Variants in SH3PXD2A observed in about 807,000 individuals in gnomAD.
The protein encoded by SH3PXD2A is SH3 and PX domains 2A, also known as SH3 and PX domain-containing protein 2A.
Under a neutral mutation model 115.2 loss-of-function variants are expected in SH3PXD2A, and 32 were observed. That is an observed-to-expected ratio of 0.28 (90% CI 0.21 to 0.37). SH3PXD2A has a LOEUF of 0.37. Ranked by LOEUF, SH3PXD2A falls within the 10% of genes least tolerant of loss-of-function variation. SH3PXD2A has a pLI of 1.00. For missense variants in SH3PXD2A, 1,328 were observed against 1,498.7 expected, an observed-to-expected ratio of 0.89 and a Z score of 1.88; for synonymous variants, 610 against 629.1, an observed-to-expected ratio of 0.97 and a Z score of 0.45.
At chr10:103,634,388 G>C (rs1370849206) in intron 8 of SH3PXD2A, among the ~76,000 whole-genome samples, 1 of 152,230 alleles carries the variant, frequency 6.6e-6, no homozygotes, top group Non-Finnish European at 1.5e-5. Context: ...GGCGGTCTGT[G>C]TTAGGCACTT....
intron 5 of SH3PXD2A, among the ~76,000 whole-genome samples, chr10:103,701,629 A>G (rs536146741): frequency 2.2e-5 from 3 of 138,148 alleles, no homozygotes; most frequent in Non-Finnish European, 4.7e-5. Context: ...CCATCCATCC[A>G]CCATCCATCC....
At chr10:103,723,797 A>G (rs2038209448) in intron 5 of SH3PXD2A, among the ~76,000 whole-genome samples, 1 of 152,196 alleles carries the variant, frequency 6.6e-6, no homozygotes, top group Admixed American at 6.5e-5. Context: ...ATTCATTATG[A>G]TTTTTTATGA....
intron 2 of SH3PXD2A, among the ~76,000 whole-genome samples, chr10:103,770,591 G>T (rs2038806854): frequency 6.6e-6 from 1 of 152,220 alleles, no homozygotes; most frequent in Non-Finnish European, 1.5e-5. Context: ...TACTTGGTTT[G>T]CTCTGGAGTC....
At chr10:103,772,770 C>T (rs2038840795) in intron 2 of SH3PXD2A, among the ~76,000 whole-genome samples, 1 of 152,178 alleles carries the variant, frequency 6.6e-6, no homozygotes, top group African/African-American at 2.4e-5. Flanking sequence ...AAGAGGCCGG[C>T]TCCTCGCCCC....
chr10:103,792,788 G>A (rs1023953184), intron 2 of SH3PXD2A, among the ~76,000 whole-genome samples: 5 of 152,188 alleles, frequency 3.3e-5, no homozygotes, highest in African/African-American at 9.7e-5. Flanking sequence ...GCCTCAATAT[G>A]TAGTTTGCAG....
At chr10:103,715,646 G>A (rs770937823) in intron 5 of SH3PXD2A, among the ~76,000 whole-genome samples, 47 of 152,256 alleles carry the variant, frequency 3.1e-4, no homozygotes, top group Non-Finnish European at 6.6e-4. Flanking sequence ...GGAAGGCCAC[G>A]CAGTCAACCC....
At chr10:103,733,225 C>A (rs1363491333) in intron 4 of SH3PXD2A, among the ~76,000 whole-genome samples, 1 of 152,174 alleles carries the variant, frequency 6.6e-6, no homozygotes, top group Non-Finnish European at 1.5e-5. Flanking sequence ...GCTCCCCCAG[C>A]TACGCGTGGT....
At chr10:103,769,745 A>G (rs997056810) in intron 2 of SH3PXD2A, among the ~76,000 whole-genome samples, 6 of 152,122 alleles carry the variant, frequency 3.9e-5, no homozygotes, top group African/African-American at 7.2e-5. Flanking sequence ...TGAGTTCTCA[A>G]TGTTTTAAGT....
At chr10:103,825,380 A>G (rs1589472583) in intron 1 of SH3PXD2A, among the ~76,000 whole-genome samples, 1 of 152,182 alleles carries the variant, frequency 6.6e-6, no homozygotes, top group South Asian at 2.1e-4. Context: ...CGTTGCAGGG[A>G]GGAGGGAAAG....
chr10:103,805,954 C>T lies in SH3PXD2A; in HGVS notation c.73-4592G>A, dbSNP rs139116540. Among the ~76,000 whole-genome samples, 132 of 152,372 alleles carry T rather than the reference C, an allele frequency of 8.7e-4. 1 individual carries two copies. The East Asian group carries it at 0.013, about 14-fold the overall frequency. On this transcript the variant is annotated intron_variant, in intron 1 of 14. Transcript: ENST00000369774. ...AAGATACACCCCGCTGGAGAGCCAG[C>T]CAGAGGGAAGAGCTGACAGAGAGCT...
At chr10:103,778,287 G>A (rs565867886) in intron 2 of SH3PXD2A, among the ~76,000 whole-genome samples, 6 of 152,312 alleles carry the variant, frequency 3.9e-5, no homozygotes, top group Admixed American at 1.3e-4. Context: ...AACCGAGATC[G>A]TGCCACTGCA....
At chr10:103,637,632 C>T (rs530281794) in intron 8 of SH3PXD2A, among the ~76,000 whole-genome samples, 2 of 152,304 alleles carry the variant, frequency 1.3e-5, no homozygotes, top group Admixed American at 6.5e-5. Flanking sequence ...GAGCTCAGAC[C>T]TTGACCCTTT....
intron 6 of SH3PXD2A, 104 bp downstream of exon 6, chr10:103,692,923 CA>C: frequency 2.1e-6 from 2 of 943,292 alleles, no homozygotes; most frequent in Admixed American, 2.0e-5. Context: ...CGTGCAAGGA[CA>C]ACCCCCCCCT....
chr10:103,839,227 C>A (rs941754670), intron 1 of SH3PXD2A, among the ~76,000 whole-genome samples: 5 of 152,142 alleles, frequency 3.3e-5, no homozygotes, highest in African/African-American at 1.2e-4. Flanking sequence ...CCACCAACAC[C>A]CCTACACCCT....
chr10:103,632,317 C>A (rs1222766370), intron 8 of SH3PXD2A, among the ~76,000 whole-genome samples: 2 of 152,230 alleles, frequency 1.3e-5, no homozygotes, highest in African/African-American at 4.8e-5. Context: ...CTAGCTGATG[C>A]CTGAGCCCTT....
At chr10:103,771,738 A>AACAC (rs3068820) in intron 2 of SH3PXD2A, among the ~76,000 whole-genome samples, 15,193 of 142,684 alleles carry the variant, frequency 0.11, 866 homozygotes, top group East Asian at 0.19. Flanking sequence ...CCGTCAAAAC[A>AACAC]ACACACACAC....
rs539620462 is a variant in SH3PXD2A at position 103,651,515 on chromosome 10, A to G, written c.604+9468T>C. 2.1e-4 allele frequency among the ~76,000 whole-genome samples: 32 copies of G among 152,322 alleles called. No individual in the cohort carries two copies. The Middle Eastern group carries it at 0.014, about 65-fold the overall frequency. ...GCTTTGCAAAGAAGTGAAATCTACA[A>G]TGCAAATATCCAGATCTCCAAACCC... On this transcript the variant is annotated intron_variant, in intron 8 of 14. Coordinates refer to ENST00000369774, the MANE Select transcript of SH3PXD2A (RefSeq NM_001394015.1).
At chr10:103,745,176 C>A (rs1469558553) in intron 3 of SH3PXD2A, among the ~76,000 whole-genome samples, 2 of 152,212 alleles carry the variant, frequency 1.3e-5, no homozygotes, top group Non-Finnish European at 2.9e-5. Flanking sequence ...ATCTCTGTTA[C>A]CACCTGGGGG....
intron 1 of SH3PXD2A, among the ~76,000 whole-genome samples, chr10:103,816,997 A>ATTTTTTTTTTTTTTTTTTTT: frequency 1.0e-5 from 1 of 99,606 alleles, no homozygotes; most frequent in Non-Finnish European, 1.9e-5. Context: ...CACCCGGCTA[A>ATTTTTTTTTTTTTTTTTTTT]TTTTTTTTTT....
Sources: allele counts gnomAD v4.1 joint callset (sites outside exome capture counted in the v4.1 genomes callset), GRCh38; gene constraint gnomAD v4.1.1; transcripts MANE v1.5; gene names NCBI Gene and HGNC (gene_info 2026-07-23, HGNC 2026-07-21).